The following INPP4A variants were observed in gnomAD, a reference collection of about 807,000 sequenced individuals.
INPP4A encodes the protein inositol polyphosphate-4-phosphatase type I A.
Under a neutral mutation model 119.8 loss-of-function variants are expected in INPP4A, and 33 were observed. The observed-to-expected ratio is 0.28, with a 90% CI of 0.21 to 0.37. The LOEUF (loss-of-function observed/expected upper bound fraction) is 0.37, where lower values mean the gene tolerates loss of function less well. Among genes scored for constraint, INPP4A ranks in the 10% least tolerant of loss-of-function variants. INPP4A has a pLI of 1.00. For synonymous variants in INPP4A, 496 were observed against 500.7 expected, an observed-to-expected ratio of 0.99 and a Z score of 0.12; for missense variants, 956 against 1,289.9, an observed-to-expected ratio of 0.74 and a Z score of 3.97.
At chr2:98,492,212 C>T (rs536288401) in intron 1 of INPP4A, among the ~76,000 whole-genome samples, 1 of 152,150 alleles carries the variant, frequency 6.6e-6, no homozygotes, top group Non-Finnish European at 1.5e-5. Flanking sequence ...ATGTTTTGGT[C>T]TTATGATAGG....
chr2:98,540,871 G>A (rs1249535546), intron 10 of INPP4A, among the ~76,000 whole-genome samples: 1 of 152,192 alleles, frequency 6.6e-6, no homozygotes, highest in Non-Finnish European at 1.5e-5. Flanking sequence ...AACTTTGGGG[G>A]ATAGTCTCAG....
intron 18 of INPP4A, 123 bp from the exon 19 acceptor site, chr2:98,564,516 GC>G: frequency 8.4e-7 from 1 of 1,193,004 alleles, no homozygotes; most frequent in Non-Finnish European, 1.2e-6. Context: ...GATGGGAGGT[GC>G]CACTGAAGCC....
intron 10 of INPP4A, among the ~76,000 whole-genome samples, chr2:98,543,222 A>G (rs1350377323): frequency 6.6e-6 from 1 of 152,194 alleles, no homozygotes; most frequent in African/African-American, 2.4e-5. Flanking sequence ...CCCGTACCCA[A>G]AAAGGATGGC....
At chr2:98,583,545 G>C (rs369602981) in intron 24 of INPP4A, among the ~76,000 whole-genome samples, 72 of 152,298 alleles carry the variant, frequency 4.7e-4, no homozygotes, top group African/African-American at 1.6e-3. Context: ...CCCTGTGCAG[G>C]ACGGTCAGCA....
chr2:98,447,150 GT>G (rs1436424589), intron 1 of INPP4A, among the ~76,000 whole-genome samples: 3 of 152,134 alleles, frequency 2.0e-5, no homozygotes, highest in Admixed American at 2.0e-4. Context: ...CACCAAGACT[GT>G]TTCATCCTGT....
At chr2:98,491,402 C>T (rs991268479) in intron 1 of INPP4A, among the ~76,000 whole-genome samples, 1 of 152,308 alleles carries the variant, frequency 6.6e-6, no homozygotes, top group South Asian at 2.1e-4. Flanking sequence ...TCACCATTGG[C>T]TCTTCTTTTT....
At chr2:98,551,608 A>T (rs1199411386) in intron 13 of INPP4A, among the ~76,000 whole-genome samples, 2 of 152,222 alleles carry the variant, frequency 1.3e-5, no homozygotes, top group African/African-American at 4.8e-5. Flanking sequence ...GAAGATTCTC[A>T]GCCCTGACCA....
In INPP4A at chr2:98,590,890, C is replaced by T. The variant is rs535973805; in HGVS notation, c.*3282C>T. On this transcript the variant is annotated 3_prime_UTR_variant, in exon 25 of 25. Coordinates refer to ENST00000409851, the MANE Select transcript of INPP4A (RefSeq NM_001134225.2). Reference sequence around the variant, plus strand: ...TCTCATTGATGGTAGCAGTGCACCTCGTTTCAGTGTCCTGATTCCTTGATT... The same window carrying T: ...TCTCATTGATGGTAGCAGTGCACCTTGTTTCAGTGTCCTGATTCCTTGATT... The T allele has an allele frequency of 4.3e-5, 10 of 231,334 alleles. No homozygotes were observed. In the South Asian group the frequency reaches 1.1e-3, roughly 25 times the overall value. 14.3% of individuals were successfully genotyped at this position (231,334 alleles called of 1,614,324 possible). A position where few individuals can be genotyped will look rare whatever the true frequency, so the allele number is the denominator to read the frequency against.
intron 1 of INPP4A, among the ~76,000 whole-genome samples, chr2:98,483,349 G>C (rs912803013): frequency 6.6e-6 from 1 of 152,166 alleles, no homozygotes; most frequent in Non-Finnish European, 1.5e-5. Flanking sequence ...AGCAAGCATT[G>C]CTTAGTTTCA....
At chr2:98,462,660 G>A (rs951986992) in intron 1 of INPP4A, among the ~76,000 whole-genome samples, 5 of 151,284 alleles carry the variant, frequency 3.3e-5, no homozygotes, top group Non-Finnish European at 7.4e-5. Flanking sequence ...TGAGTAGCTG[G>A]GACTACAGGT....
chr2:98,559,388 C>G (rs1036059462), intron 16 of INPP4A, 75 bp from the exon 17 acceptor site: 1 of 1,545,428 alleles, frequency 6.5e-7, no homozygotes, highest in Non-Finnish European at 8.9e-7. Context: ...GCAGCTGCTG[C>G]TCTGAGATTG....
At chr2:98,494,291 T>C (rs1681466723) in intron 1 of INPP4A, among the ~76,000 whole-genome samples, 1 of 152,168 alleles carries the variant, frequency 6.6e-6, no homozygotes, top group East Asian at 1.9e-4. Flanking sequence ...TAGCCCCTAC[T>C]CATAGGGCAG....
intron 16 of INPP4A, chr2:98,556,055 T>C (rs1694438234): frequency 4.0e-6 from 2 of 497,874 alleles, no homozygotes; most frequent in African/African-American, 1.9e-5. Context: ...CAGGGTCCTC[T>C]TGAGATACAC....
chr2:98,540,154 A>T (rs1005775220), intron 10 of INPP4A, among the ~76,000 whole-genome samples: 1 of 152,166 alleles, frequency 6.6e-6, no homozygotes, highest in African/African-American at 2.4e-5. Flanking sequence ...CTGGTCTCGA[A>T]CTACTGACCT....
intron 1 of INPP4A, among the ~76,000 whole-genome samples, chr2:98,512,664 A>G (rs1045618507): frequency 2.6e-5 from 4 of 152,232 alleles, no homozygotes; most frequent in Admixed American, 2.6e-4. Flanking sequence ...TCATGAGGAC[A>G]GAGTCCTCGT....
intron 24 of INPP4A, 26 bp from the exon 25 acceptor site, chr2:98,587,440 TACTGCCGTCA>T: frequency 6.5e-7 from 1 of 1,539,132 alleles, no homozygotes; most frequent in Non-Finnish European, 8.7e-7. Flanking sequence ...TTTCCTTTTT[TACTGCCGTCA>T]TTTCTTGTGC....
Position 98,593,783 on chromosome 2 carries a change from A to G in INPP4A, c.*6175A>G, listed in dbSNP as rs1317572141. The G allele has an allele frequency of 8.3e-6, 1 of 120,954 alleles. No homozygotes were observed. Among genetic ancestry groups the G allele is most frequent in the Non-Finnish European group, 1.8e-5 (1 of 54,780 alleles). The allele number at this position is 120,954 out of a possible 1,614,324, so 7.5% of individuals were successfully genotyped here. A position where few individuals can be genotyped will look rare whatever the true frequency, so the allele number is the denominator to read the frequency against. ...GAGAACCATCCCATAATTTCCATCC[A>G]TGCACCCCAAGGCCTGGTCTGTATC... On this transcript the variant is annotated 3_prime_UTR_variant, in exon 25 of 25. Transcript: ENST00000409851.
intron 1 of INPP4A, among the ~76,000 whole-genome samples, chr2:98,509,126 A>G (rs554772004): frequency 6.5e-4 from 99 of 152,240 alleles, no homozygotes; most frequent in African/African-American, 2.2e-3. Context: ...ACACTTTGTG[A>G]TGTAGCTCTG....
chr2:98,543,926 C>T lies in INPP4A; in HGVS notation c.868C>T (p.Leu290Phe). 6.2e-7 allele frequency: 1 copy of T among 1,610,854 alleles called. No homozygotes were observed. Among genetic ancestry groups the T allele is most frequent in the Middle Eastern group, 1.7e-4 (1 of 6,056 alleles). Residue 290 changes from leucine to phenylalanine, a missense_variant, in exon 11 of 25, where the codon CTC (leucine) becomes TTC (phenylalanine). By Grantham distance (22) the Leu-to-Phe change is conservative. This residue lies in a region of INPP4A where 652 missense variants were observed against 797.9 expected (regional missense o/e 0.82). Coordinates refer to ENST00000409851, the MANE Select transcript of INPP4A (RefSeq NM_001134225.2). ...LGELSPCWES[L>F]RRQIVTQYQT... is the part of the protein sequence containing the mutation. ...AGAGCTGTCCCCTTGCTGGGAGAGC[C>T]TCCGGCGCCAAATTGTCACCCAGTA...
Sources: allele counts gnomAD v4.1 joint callset (sites outside exome capture counted in the v4.1 genomes callset), GRCh38; gene constraint gnomAD v4.1.1; regional missense constraint gnomAD v4.1.1; transcripts MANE v1.5; gene names NCBI Gene and HGNC (gene_info 2026-07-23, HGNC 2026-07-21).